The following BACE2 variants were observed in gnomAD, a reference collection of about 807,000 sequenced individuals.
The protein encoded by BACE2 is 56 kDa aspartic-like protease.
Under a neutral mutation model 46.2 loss-of-function variants are expected in BACE2, and 17 were observed. That is an observed-to-expected ratio of 0.37 (90% CI 0.25 to 0.55). The LOEUF (loss-of-function observed/expected upper bound fraction) is 0.55. Ranked by LOEUF, BACE2 falls within the 20% of genes least tolerant of loss-of-function variation. The probability of loss-of-function intolerance (pLI) is 0.82; values close to 1 mark genes in which losing one functional copy is unlikely to be tolerated. For missense variants in BACE2, 595 were observed against 698.1 expected (o/e 0.85, Z 1.66); for synonymous variants, 277 against 295.9 (o/e 0.94, Z 0.66).
intron 8 of BACE2, among the ~76,000 whole-genome samples, chr21:41,261,125 C>CGTTCA (rs926575496): frequency 1.3e-5 from 2 of 152,146 alleles, no homozygotes; most frequent in African/African-American, 4.8e-5. Context: ...CTGCAGTGAA[C>CGTTCA]GTCTTTGTGT....
rs897975862 is a variant in BACE2 at position 41,193,537 on chromosome 21, C to T, written c.312+24962C>T. On this transcript the variant is annotated intron_variant, in intron 1 of 8. Transcript: ENST00000330333. This position sits in a 1 kb window ranked among gnomAD's most constrained non-coding sequence, Gnocchi z 4.2. The stretch of plus-strand genomic sequence containing the variant: ...ATGGTGGCACTAATCTCCACAATCC[C>T]TTCAGGGATGTGATACTGTTTTTGA... Among the ~76,000 whole-genome samples the T allele has an allele frequency of 1.3e-5, 2 of 152,220 alleles. No homozygotes were observed. Among genetic ancestry groups the T allele is most frequent in the Admixed American group, 1.3e-4 (2 of 15,280 alleles).
rs369963511 is a variant in BACE2 at position 41,168,374 on chromosome 21, G to A, written c.111G>A (p.Ala37=). 959 of 1,398,120 alleles carry A rather than the reference G, an allele frequency of 6.9e-4. 3 individuals carry two copies. In the African/African-American group the frequency reaches 9.8e-3, roughly 14 times the overall value. The allele number at this position is 1,398,120 out of a possible 1,614,324, so 86.6% of individuals were successfully genotyped here. The change falls in exon 1 of 9, where the codon GCG becomes GCA. Residue 37 remains alanine, a synonymous_variant. Coordinates refer to ENST00000330333, the MANE Select transcript of BACE2 (RefSeq NM_012105.5). ...APFTLPLRVA[A]ATNRVVAPTP... ...TCACGCTGCCCCTCCGGGTGGCCGC[G>A]GCCACGAACCGCGTAGTTGCGCCCA...
At chr21:41,205,748 C>A (rs889144194) in intron 1 of BACE2, among the ~76,000 whole-genome samples, 4 of 152,162 alleles carry the variant, frequency 2.6e-5, no homozygotes, top group Admixed American at 6.5e-5. Context: ...TCATCCCTCA[C>A]CAGTGCAAAA....
intron 1 of BACE2, 127 bp from the exon 2 acceptor site, chr21:41,226,139 T>G: frequency 2.9e-6 from 2 of 678,178 alleles, no homozygotes; most frequent in South Asian, 3.8e-5. Flanking sequence ...CTCGTCAGTA[T>G]ACTTTTTTTT....
chr21:41,278,813 T>A lies in BACE2; in HGVS notation c.*3189T>A, dbSNP rs2088516186. 1 of 152,150 alleles carries A rather than the reference T, an allele frequency of 6.6e-6. No homozygotes were observed. The highest frequency in any genetic ancestry group is 1.5e-5 in the Non-Finnish European group (1 of 68,024). The allele number at this position is 152,150 out of a possible 1,614,324, so 9.4% of individuals were successfully genotyped here. A position where few individuals can be genotyped will look rare whatever the true frequency, so the allele number is the denominator to read the frequency against. ...TGCCACGTGTGGTTCAGTTCTAAGT[T>A]CTGGACTAGTGCCACTCGATATCAT... On this transcript the variant is annotated 3_prime_UTR_variant, in exon 9 of 9. Transcript: ENST00000330333.
intron 2 of BACE2, among the ~76,000 whole-genome samples, chr21:41,230,987 A>C (rs1003075822): frequency 5.9e-5 from 9 of 152,236 alleles, no homozygotes; most frequent in African/African-American, 2.2e-4. Context: ...TATTTCCATT[A>C]AAATGTCTCC....
chr21:41,255,262 C>G (rs1422736517), intron 7 of BACE2, among the ~76,000 whole-genome samples: 3 of 152,108 alleles, frequency 2.0e-5, no homozygotes, highest in African/African-American at 7.2e-5. Flanking sequence ...TGGCCCAGGT[C>G]TGGGCTGGAG....
intron 8 of BACE2, among the ~76,000 whole-genome samples, chr21:41,270,111 A>G (rs8133778): frequency 0.69 from 104,883 of 152,032 alleles, 37,016 homozygotes; most frequent in East Asian, 0.99. Flanking sequence ...CTTTTCATGT[A>G]CTTTTTTGCC....
At chr21:41,271,247 T>TTTTTTTTTTTTG (rs1568895169) in intron 8 of BACE2, among the ~76,000 whole-genome samples, 2 of 152,008 alleles carry the variant, frequency 1.3e-5, no homozygotes, top group African/African-American at 4.8e-5. Flanking sequence ...TTATCTAATT[T>TTTTTTTTTTTTG]AGCAGTCTCT....
At chr21:41,224,834 T>C (rs1176598917) in intron 1 of BACE2, among the ~76,000 whole-genome samples, 1 of 152,216 alleles carries the variant, frequency 6.6e-6, no homozygotes, top group East Asian at 1.9e-4. Flanking sequence ...TGGGGGAGGA[T>C]ACAGAGCACA....
intron 7 of BACE2, among the ~76,000 whole-genome samples, chr21:41,254,201 G>A (rs570684549): frequency 3.3e-5 from 5 of 152,346 alleles, no homozygotes; most frequent in African/African-American, 1.2e-4. Flanking sequence ...TTTTCCAAAA[G>A]CCCATGGGCT....
At chr21:41,171,077 T>C (rs1200499163) in intron 1 of BACE2, among the ~76,000 whole-genome samples, 1 of 152,204 alleles carries the variant, frequency 6.6e-6, no homozygotes, top group Non-Finnish European at 1.5e-5. Flanking sequence ...ACGACTTCCT[T>C]CCCTTCATGC....
intron 2 of BACE2, among the ~76,000 whole-genome samples, chr21:41,229,043 G>C (rs192986378): frequency 9.3e-4 from 141 of 152,294 alleles, no homozygotes; most frequent in Admixed American, 1.8e-3. Flanking sequence ...TTGCATGACT[G>C]CCCTTCACAT....
At chr21:41,186,645 G>C (rs921955945) in intron 1 of BACE2, 2 of 152,266 alleles carry the variant, frequency 1.3e-5, no homozygotes, top group African/African-American at 4.8e-5. Flanking sequence ...TAGCCTGGGA[G>C]AGTTCTTGGA....
chr21:41,177,457 G>T, intron 1 of BACE2: 1 of 152,358 alleles, frequency 6.6e-6, no homozygotes. Context: ...TTGCCCCACA[G>T]CGTCACAGCC....
chr21:41,243,192 G>A (rs1987356403), intron 4 of BACE2, among the ~76,000 whole-genome samples, 184 bp from the exon 5 acceptor site: 2 of 152,172 alleles, frequency 1.3e-5, no homozygotes, highest in African/African-American at 4.8e-5. Flanking sequence ...GATTACAAGC[G>A]TGAGCCACCG....
At chr21:41,217,320 A>C (rs1428131930) in intron 1 of BACE2, among the ~76,000 whole-genome samples, 1 of 152,142 alleles carries the variant, frequency 6.6e-6, no homozygotes, top group African/African-American at 2.4e-5. Context: ...AGGGCGATTG[A>C]TGTTTCTTGC....
intron 1 of BACE2, among the ~76,000 whole-genome samples, chr21:41,203,971 T>C (rs1986047456): frequency 1.3e-5 from 2 of 152,252 alleles, no homozygotes; most frequent in Middle Eastern, 3.4e-3. Flanking sequence ...CTGGAGCCTG[T>C]GAGCTCACTC....
intron 4 of BACE2, among the ~76,000 whole-genome samples, 199 bp from the exon 5 acceptor site, chr21:41,243,177 G>T (rs1267210622): frequency 2.0e-5 from 3 of 152,168 alleles, no homozygotes; most frequent in Non-Finnish European, 2.9e-5. Context: ...CTCCCAAAGT[G>T]CTGGGATTAC....
Sources: gnomAD v4.1 joint callset for allele counts (sites outside exome capture counted in the v4.1 genomes callset) on GRCh38, gnomAD v4.1.1 for gene constraint, Gnocchi (gnomAD v3.1) non-coding constraint, MANE v1.5 for transcripts, NCBI Gene and HGNC (gene_info 2026-07-23, HGNC 2026-07-21) for gene names.